FAF1: variants seen among roughly 807,000 people sequenced by gnomAD.
The protein encoded by FAF1 is Fas associated factor 1.
A neutral mutation model predicts 92.5 loss-of-function variants in FAF1; 25 were observed. The ratio of observed to expected loss-of-function variants is 0.27; its 90% CI spans 0.20 to 0.38. The LOEUF is 0.38. Among genes scored for constraint, FAF1 ranks in the 10% least tolerant of loss-of-function variants. FAF1 has a pLI of 1.00. For synonymous variants in FAF1, 234 were observed against 273.2 expected (o/e 0.86, Z 1.42); for missense variants, 636 against 793.3 (o/e 0.80, Z 2.38).
chr1:50,743,013 AT>A (rs1352368076), intron 5 of FAF1, among the ~76,000 whole-genome samples: 2 of 152,252 alleles, frequency 1.3e-5, no homozygotes. Context: ...CTGAAACATA[AT>A]TATGCTCGAT....
chr1:50,638,166 C>T (rs1188392318), intron 8 of FAF1, among the ~76,000 whole-genome samples: 1 of 152,028 alleles, frequency 6.6e-6, no homozygotes, highest in African/African-American at 2.4e-5. Flanking sequence ...TGGCCCATGA[C>T]CTTGCTAATT....
rs140961804 is a variant in FAF1, at chr1:50,947,642, T to C, written c.45+12125A>G. Among the ~76,000 whole-genome samples, 216 of 152,354 alleles carry C rather than the reference T, an allele frequency of 1.4e-3. 1 individual carries two copies. Among genetic ancestry groups the C allele is most frequent in the Middle Eastern group, 0.01 (3 of 294 alleles). On this transcript the variant is annotated intron_variant, in intron 1 of 18. Coordinates refer to ENST00000396153, the MANE Select transcript of FAF1 (RefSeq NM_007051.3). ...TAAAACAGCAAATTCAGCAGCAGCA[T>C]TCAAATTTTACAAAGTTCTTGGCCT...
chr1:50,626,147 T>C (rs1379069632), intron 8 of FAF1, among the ~76,000 whole-genome samples: 1 of 152,208 alleles, frequency 6.6e-6, no homozygotes, highest in African/African-American at 2.4e-5. Context: ...AATTTTGTTA[T>C]TGTGTTATAT....
At chr1:50,648,045 G>A (rs143329410) in intron 8 of FAF1, among the ~76,000 whole-genome samples, 14 of 152,238 alleles carry the variant, frequency 9.2e-5, no homozygotes, top group African/African-American at 2.4e-4. Context: ...GATAACCTGA[G>A]GTCAGGAGTT....
chr1:50,495,948 T>C (rs932998154), intron 15 of FAF1, among the ~76,000 whole-genome samples: 2 of 152,098 alleles, frequency 1.3e-5, no homozygotes, highest in Non-Finnish European at 1.5e-5. Flanking sequence ...TCCGAGACAA[T>C]AGCCATTGAA....
At chr1:50,578,615 T>C (rs1468464068) in intron 12 of FAF1, among the ~76,000 whole-genome samples, 1 of 152,182 alleles carries the variant, frequency 6.6e-6, no homozygotes, top group East Asian at 1.9e-4. Flanking sequence ...AGGCAAGTCA[T>C]GTAGCTTTTC....
chr1:50,667,691 T>C (rs1359563830), intron 7 of FAF1, among the ~76,000 whole-genome samples: 1 of 152,218 alleles, frequency 6.6e-6, no homozygotes, highest in Non-Finnish European at 1.5e-5. Flanking sequence ...CTAAATGTCA[T>C]TCACTTAGTT....
At chr1:50,843,755 A>G (rs923857897) in intron 2 of FAF1, among the ~76,000 whole-genome samples, 3 of 151,600 alleles carry the variant, frequency 2.0e-5, no homozygotes, top group African/African-American at 7.3e-5. Context: ...GTGTGTGTGT[A>G]TTGCATTTTC....
chr1:50,737,509 A>C (rs1659191298), intron 6 of FAF1, among the ~76,000 whole-genome samples: 1 of 152,182 alleles, frequency 6.6e-6, no homozygotes, highest in Non-Finnish European at 1.5e-5. Flanking sequence ...TATTTAACTT[A>C]ATTTCATCTG....
At chr1:50,637,681 ATGTGTGTGTGTG>A (rs142201244) in intron 8 of FAF1, among the ~76,000 whole-genome samples, 11 of 137,098 alleles carry the variant, frequency 8.0e-5, no homozygotes, top group South Asian at 2.4e-4. Flanking sequence ...ACATATATAT[ATGTGTGTGTGTG>A]TGTGTGTGTG....
chr1:50,798,555 T>C (rs913764166), intron 3 of FAF1, among the ~76,000 whole-genome samples: 10 of 152,194 alleles, frequency 6.6e-5, no homozygotes, highest in African/African-American at 2.4e-4. Flanking sequence ...TCAGTGTCTG[T>C]TTATGACTGA....
At chr1:50,576,617 G>A (rs1474373282) in intron 12 of FAF1, among the ~76,000 whole-genome samples, 1 of 148,446 alleles carries the variant, frequency 6.7e-6, no homozygotes, top group African/African-American at 2.6e-5. Flanking sequence ...GGAAAAAAAA[G>A]ACTCATCTCC....
At chr1:50,788,234 T>C (rs954856772) in intron 3 of FAF1, 29 bp from the exon 4 acceptor site, 1 of 1,571,312 alleles carries the variant, frequency 6.4e-7, no homozygotes, top group Non-Finnish European at 8.8e-7. Flanking sequence ...AGAAGGATTA[T>C]TGTCAACTAA....
intron 17 of FAF1, among the ~76,000 whole-genome samples, chr1:50,485,613 G>GA (rs1051277193): frequency 8.1e-6 from 1 of 122,820 alleles, no homozygotes; most frequent in African/African-American, 3.1e-5. Flanking sequence ...AGTGAGCCGA[G>GA]ATTGTGCTAC....
chr1:50,538,626 T>TAG (rs1251149226), intron 14 of FAF1, among the ~76,000 whole-genome samples: 1 of 151,736 alleles, frequency 6.6e-6, no homozygotes, highest in Non-Finnish European at 1.5e-5. Context: ...TAAAAGGGTC[T>TAG]AGTCTGATGT....
At chr1:50,703,329 T>C (rs1453707278) in intron 7 of FAF1, among the ~76,000 whole-genome samples, 1 of 152,170 alleles carries the variant, frequency 6.6e-6, no homozygotes, top group Non-Finnish European at 1.5e-5. Flanking sequence ...TTAAGTGTCA[T>C]TGTGGATTGA....
chr1:50,908,777 T>G (rs918640284), intron 1 of FAF1, among the ~76,000 whole-genome samples: 4 of 152,074 alleles, frequency 2.6e-5, no homozygotes, highest in Non-Finnish European at 5.9e-5. Flanking sequence ...TCTCTGCACA[T>G]GAGATGGGTT....
At chr1:50,655,637 A>G in intron 7 of FAF1, 109 bp from the exon 8 acceptor site, 1 of 674,556 alleles carries the variant, frequency 1.5e-6, no homozygotes, top group African/African-American at 1.9e-5. Flanking sequence ...TCTAGATTCA[A>G]AACAAGAATT....
At chr1:50,866,080 C>A (rs1644479470) in intron 1 of FAF1, among the ~76,000 whole-genome samples, 1 of 151,934 alleles carries the variant, frequency 6.6e-6, no homozygotes, top group South Asian at 2.1e-4. Flanking sequence ...ACCACATAAA[C>A]AAAATTAAAA....
Sources: gnomAD v4.1 joint callset for allele counts (sites outside exome capture counted in the v4.1 genomes callset) on GRCh38, gnomAD v4.1.1 for gene constraint, MANE v1.5 for transcripts, NCBI Gene and HGNC (gene_info 2026-07-23, HGNC 2026-07-21) for gene names.